POLR1C: variants seen among roughly 807,000 people sequenced by gnomAD.
POLR1C encodes the protein RNA polymerase I and III subunit C, also known as DNA-directed RNA polymerases I and III subunit RPAC1.
Under a neutral mutation model 38.3 loss-of-function variants are expected in POLR1C, and 42 were observed. The observed-to-expected ratio is 1.10, with a 90% confidence interval of 0.86 to 1.42. The LOEUF is 1.42. Among genes scored for constraint, POLR1C ranks in the 40% most tolerant of loss-of-function variants. The pLI is 0.00. For synonymous variants in POLR1C, 163 were observed against 163.9 expected (o/e 0.99, Z 0.04); for missense variants, 507 against 450.5 (o/e 1.13, Z -1.14).
chr6:43,546,519 A>G, intron 9 of POLR1C: 1 of 1,541,750 alleles, frequency 6.5e-7, no homozygotes, highest in South Asian at 1.3e-5. Flanking sequence ...AACTTTTGAA[A>G]TTTTTAAGGT....
downstream of POLR1C, among the ~76,000 whole-genome samples, chr6:43,530,484 C>A (rs1021043767): frequency 6.6e-6 from 1 of 152,116 alleles, no homozygotes; most frequent in Non-Finnish European, 1.5e-5. Flanking sequence ...AAATTTACCC[C>A]TAAGGAAAAG....
At position 43,520,435 on chromosome 6, in the gene POLR1C, C is replaced by A; in HGVS notation, c.655+8C>A. On this transcript the variant is annotated splice_region_variant and intron_variant, in intron 6 of 8. Coordinates refer to ENST00000642195, the MANE Select transcript of POLR1C (RefSeq NM_203290.4). ...ACTGTGTCAAGGGCATTGGTGAGAA[C>A]CCTGTGTGCCTTCCTGGGAAGGGGG... The A allele has an allele frequency of 3.1e-6, 5 of 1,613,246 alleles. No individual in the cohort carries two copies. The highest frequency in any genetic ancestry group is 4.2e-6 in the Non-Finnish European group (5 of 1,180,008).
downstream of POLR1C, chr6:43,530,633 TTCTC>T (rs765881909): frequency 1.1e-5 from 17 of 1,596,038 alleles, no homozygotes; most frequent in Middle Eastern, 1.7e-4. Flanking sequence ...CCTGTTTTGT[TTCTC>T]TCTCTAATTT....
At chr6:43,527,644 C>T (rs762158922) in intron 8 of POLR1C, 1 of 1,613,960 alleles carries the variant, frequency 6.2e-7, no homozygotes, top group Non-Finnish European at 8.5e-7. Context: ...TGATTAGGTC[C>T]ATGACTTCTC....
At chr6:43,537,791 G>A (rs1398788280) in intron 9 of POLR1C, among the ~76,000 whole-genome samples, 1 of 152,164 alleles carries the variant, frequency 6.6e-6, no homozygotes, top group Non-Finnish European at 1.5e-5. Context: ...AGAGGGCCAG[G>A]CATGGTAGCT....
chr6:43,524,128 G>T, downstream of POLR1C: 1 of 1,386,940 alleles, frequency 7.2e-7, no homozygotes, highest in South Asian at 1.4e-5. Context: ...AAGGCGGGTG[G>T]ATCACCTGAG....
At chr6:43,547,288 C>G (rs1795009751) in intron 9 of POLR1C, 1 of 422,612 alleles carries the variant, frequency 2.4e-6, no homozygotes, top group Admixed American at 3.6e-5. Context: ...ACTTTACATG[C>G]CAGAGAGCAA....
At position 43,561,229 on chromosome 6, in the gene POLR1C, CATT is replaced by C. The variant is rs759553467; in HGVS notation, c.*49-169_*49-167del. 2.7e-3 allele frequency among the ~76,000 whole-genome samples: 405 copies of C among 152,260 alleles called. 3 individuals carry two copies. The highest frequency in any genetic ancestry group is 3.5e-3 in the Admixed American group (53 of 15,288). On this transcript the variant is annotated intron_variant, in intron 10 of 10. Coordinates refer to the POLR1C transcript ENST00000607635. ...ATTACTTTGCCTACTCAATCATCAT[CATT>C]AAAACCCATTCTGTGGTCAAACAGT...
At chr6:43,549,452 C>A (rs755330104) in intron 9 of POLR1C, 2 of 1,557,986 alleles carry the variant, frequency 1.3e-6, no homozygotes, top group East Asian at 2.3e-5. Flanking sequence ...CAAATGTAAC[C>A]AAACTTGGCT....
chr6:43,534,340 A>ATGAAATG (rs1794182327), downstream of POLR1C, among the ~76,000 whole-genome samples: 1 of 152,220 alleles, frequency 6.6e-6, no homozygotes, highest in Non-Finnish European at 1.5e-5. Flanking sequence ...GTGATACGGA[A>ATGAAATG]TGAAATGTGT....
Position 43,519,670 on chromosome 6 carries a change from GT to G in POLR1C, c.250-31del, listed in dbSNP as rs750589502. ...CGGGGATAGGTAGGGGGTCTGTTGG[GT>G]TTTTGCAGATAAGTGGTTATTTTTC... On this transcript the variant is annotated intron_variant, in intron 3 of 8. Transcript: ENST00000642195. 3.5e-5 allele frequency: 56 copies of G among 1,614,172 alleles called. No individual in the cohort carries two copies. The East Asian group carries it at 1.2e-3, about 33-fold the overall frequency.
chr6:43,560,092 TA>T, intron 10 of POLR1C: 1 of 1,484,698 alleles, frequency 6.7e-7, no homozygotes, highest in East Asian at 2.4e-5. Flanking sequence ...GAGCTGGGAT[TA>T]TAGGCGTGAG....
intron 2 of POLR1C, among the ~76,000 whole-genome samples, chr6:43,518,406 G>C (rs1792956864): frequency 6.6e-6 from 1 of 152,184 alleles, no homozygotes; most frequent in South Asian, 2.1e-4. Context: ...ACTGAGAGGA[G>C]AAATGGGTCT....
At chr6:43,533,409 T>C (rs1246334738), downstream of POLR1C, 1 of 152,444 alleles carries the variant, frequency 6.6e-6, no homozygotes, top group African/African-American at 2.4e-5. Flanking sequence ...TTCGATTTTC[T>C]CTGTATGCTA....
Position 43,528,142 on chromosome 6 carries a change from G to A in POLR1C, c.923-1107G>A, listed in dbSNP as rs765392404. ...TGCCAGTTCATCCACCAAGAAGAGT[G>A]GGTAGGTATCCCTTACCACAGCAGG... On this transcript the variant is annotated intron_variant, in intron 8 of 8. Transcript: ENST00000304004. The A allele has an allele frequency of 1.3e-5, 21 of 1,584,300 alleles. No individual in the cohort carries two copies. The East Asian group carries it at 4.6e-4, about 34-fold the overall frequency.
At chr6:43,530,505 T>C (rs967156185), downstream of POLR1C, among the ~76,000 whole-genome samples, 4 of 152,144 alleles carry the variant, frequency 2.6e-5, no homozygotes, top group African/African-American at 9.7e-5. Flanking sequence ...TTTATGGCCA[T>C]CTGGACTGCC....
chr6:43,560,911 G>A, intron 10 of POLR1C: 1 of 1,609,280 alleles, frequency 6.2e-7, no homozygotes. Flanking sequence ...GAAGTTACCT[G>A]TATAAAGTTT....
intron 10 of POLR1C, among the ~76,000 whole-genome samples, chr6:43,557,141 A>ATCAAGTACTG (rs1219810973): frequency 2.1e-5 from 3 of 145,822 alleles, no homozygotes; most frequent in East Asian, 4.1e-4. Flanking sequence ...AAAAAAAAAA[A>ATCAAGTACTG]AAAGGCTGGG....
At position 43,529,553 on chromosome 6, in the gene POLR1C, CAAA is replaced by C. The variant is rs1186641934; in HGVS notation, c.*211_*213del. On this transcript the variant is annotated 3_prime_UTR_variant, in exon 9 of 9. Transcript: ENST00000304004. ...TGGGCAACAGAGCAAGACTCCGTCT[CAAA>C]AAAAAAAAAAAAGAAAAGAAAGAAA... 92 of 101,700 alleles carry C rather than the reference CAAA, an allele frequency of 9.0e-4. 1 individual carries two copies. The highest frequency in any genetic ancestry group is 5.3e-3 in the East Asian group (17 of 3,190). The allele number at this position is 101,700 out of a possible 1,614,324, so 6.3% of individuals were successfully genotyped here.
Sources: gnomAD v4.1 joint callset for allele counts (sites outside exome capture counted in the v4.1 genomes callset) on GRCh38, gnomAD v4.1.1 for gene constraint, MANE v1.5 for transcripts, NCBI Gene and HGNC (gene_info 2026-07-23, HGNC 2026-07-21) for gene names.